The following AMPD3 variants were observed in gnomAD, a reference collection of about 807,000 sequenced individuals.
AMPD3 encodes the protein adenosine monophosphate deaminase 3, also known as AMP deaminase 3.
A neutral mutation model predicts 82.3 loss-of-function variants in AMPD3; 57 were observed. The observed-to-expected ratio is 0.69, with a 90% CI of 0.56 to 0.86. AMPD3 has a LOEUF of 0.86. Ranked by LOEUF, AMPD3 falls within the 40% of genes least tolerant of loss-of-function variation. The probability of loss-of-function intolerance (pLI) is 0.00; values close to 1 mark genes in which losing one functional copy is unlikely to be tolerated. For synonymous variants in AMPD3, 381 were observed against 394.7 expected (o/e 0.97, Z 0.41); for missense variants, 870 against 1,003.8 (o/e 0.87, Z 1.80).
chr11:10,496,467 G>A (rs946173803), intron 9 of AMPD3: 379 of 985,402 alleles, frequency 3.8e-4, no homozygotes, highest in Non-Finnish European at 4.5e-4. Context: ...GTGGTTTAGG[G>A]AAACAGAGCT....
chr11:10,481,609 C>A (rs1485025130), intron 3 of AMPD3: 9 of 647,742 alleles, frequency 1.4e-5, no homozygotes, highest in Non-Finnish European at 1.7e-5. Context: ...TGATTTATTA[C>A]AGTGAAAGGA....
rs533652608 is a variant in AMPD3 at position 10,479,963 on chromosome 11, A to C, written c.426+1233A>C. 2.9e-4 allele frequency: 285 copies of C among 985,362 alleles called. 6 individuals carry two copies. In the South Asian group the frequency reaches 9.4e-3, roughly 32 times the overall value. The allele number at this position is 985,362 out of a possible 1,614,324, so 61.0% of individuals were successfully genotyped here. On this transcript the variant is annotated intron_variant, in intron 3 of 14. Transcript: ENST00000396553. ...ACCATGAGTCTTTGGTGTTCACCCA[A>C]CCTGAGGCAGGTGGGCAGGGCATTG...
At chr11:10,458,137 C>A (rs1011265260) in intron 1 of AMPD3, among the ~76,000 whole-genome samples, 13 of 151,652 alleles carry the variant, frequency 8.6e-5, no homozygotes, top group Admixed American at 7.9e-4. Flanking sequence ...TGGTGAAACT[C>A]CCTTTGGCCT....
chr11:10,504,953 T>C (rs539519172), intron 14 of AMPD3: 47 of 223,470 alleles, frequency 2.1e-4, no homozygotes, highest in African/African-American at 1.1e-3. Context: ...TACCATTTAT[T>C]CCTGCTGATG....
At chr11:10,472,150 G>T (rs549112094) in intron 2 of AMPD3, among the ~76,000 whole-genome samples, 1 of 152,244 alleles carries the variant, frequency 6.6e-6, no homozygotes, top group Admixed American at 6.5e-5. Context: ...GCAGGGACAT[G>T]GATGAAGCTA....
At chr11:10,487,138 C>G (rs1023370346) in intron 5 of AMPD3, 97 bp from the exon 6 acceptor site, 1 of 1,597,570 alleles carries the variant, frequency 6.3e-7, no homozygotes, top group Non-Finnish European at 8.6e-7. Flanking sequence ...CGTCCTGACC[C>G]TTCCAGCCAG....
At chr11:10,499,492 A>T in intron 10 of AMPD3, 1 of 187,122 alleles carries the variant, frequency 5.3e-6, no homozygotes, top group Non-Finnish European at 1.0e-5. Flanking sequence ...CTAGGATTAC[A>T]GGCATGAGCC....
chr11:10,472,424 C>T (rs1372910278), intron 2 of AMPD3, among the ~76,000 whole-genome samples: 1 of 151,512 alleles, frequency 6.6e-6, no homozygotes, highest in African/African-American at 2.4e-5. Context: ...TACATGTACC[C>T]CAGAACTTAA....
At chr11:10,476,071 GT>G (rs941853462) in intron 2 of AMPD3, among the ~76,000 whole-genome samples, 5 of 152,162 alleles carry the variant, frequency 3.3e-5, no homozygotes, top group Admixed American at 2.6e-4. Context: ...AAGCCATCAA[GT>G]TTGTGGCAAT....
Position 10,455,449 on chromosome 11 carries a change from G to A in AMPD3, c.-6+1G>A. 1.2e-6 allele frequency: 1 copy of A among 843,666 alleles called. No homozygotes were observed. The highest frequency in any genetic ancestry group is 1.4e-6 in the Non-Finnish European group (1 of 701,540). The allele number at this position is 843,666 out of a possible 1,614,324, so 52.3% of individuals were successfully genotyped here. A position where few individuals can be genotyped will look rare whatever the true frequency, so the allele number is the denominator to read the frequency against. Reference sequence around the variant, plus strand: ...GCCCACGTGGGAGCAGTGAGCGGCTGTAAGCAGGGGAGGGTTTGGGGTGGG... The same window carrying A: ...GCCCACGTGGGAGCAGTGAGCGGCTATAAGCAGGGGAGGGTTTGGGGTGGG... On this transcript the variant is annotated splice_donor_variant, in intron 1 of 14. Coordinates refer to ENST00000396553, the MANE Select transcript of AMPD3 (RefSeq NM_001025389.2). LOFTEE classifies it low-confidence loss of function (5UTR_SPLICE).
intron 8 of AMPD3, 159 bp from the exon 9 acceptor site, chr11:10,495,411 G>C (rs1236826733): frequency 1.0e-6 from 1 of 983,614 alleles, no homozygotes; most frequent in Non-Finnish European, 1.2e-6. Flanking sequence ...AGTGGAACAA[G>C]AGCTTACAGG....
Position 10,499,937 on chromosome 11 carries a change from C to T in AMPD3, c.1558-149C>T, listed in dbSNP as rs186363417. The T allele has an allele frequency of 4.0e-6, 6 of 1,506,190 alleles. No individual in the cohort carries two copies. The African/African-American group carries it at 8.3e-5, about 21-fold the overall frequency. 93.3% of individuals were successfully genotyped at this position (1,506,190 alleles called of 1,614,324 possible). ...CTTTTCATCCCTGGGAGGAATATGG[C>T]CTCAGGCAGGCCAAGGGGTCCCCAG... is the stretch of plus-strand genomic sequence containing the variant. On this transcript the variant is annotated intron_variant, in intron 10 of 14. Coordinates refer to ENST00000396553, the MANE Select transcript of AMPD3 (RefSeq NM_001025389.2).
At chr11:10,458,407 C>G (rs969963466) in intron 1 of AMPD3, among the ~76,000 whole-genome samples, 1 of 151,932 alleles carries the variant, frequency 6.6e-6, no homozygotes, top group Non-Finnish European at 1.5e-5. Flanking sequence ...AGTCTTAAGT[C>G]TACTCATTTT....
At position 10,505,757 on chromosome 11, in the gene AMPD3, GA is replaced by G. The variant is rs749073244; in HGVS notation, c.2180del (p.Asn727MetfsTer31). On this transcript the variant is annotated frameshift_variant, in exon 15 of 15. Coordinates refer to ENST00000396553, the MANE Select transcript of AMPD3 (RefSeq NM_001025389.2). LOFTEE classifies it high-confidence loss of function. ...GQNYYKEGPE[G>X]NDIRKTNVAQ... Reference sequence around the variant, plus strand: ...AATTATTATAAAGAAGGACCTGAAGGAAATGATATTCGAAAGACAAATGTGG... The same window carrying G: ...AATTATTATAAAGAAGGACCTGAAGGAATGATATTCGAAAGACAAATGTGG... 1.8e-5 allele frequency: 29 copies of G among 1,614,170 alleles called. No individual in the cohort carries two copies. In the East Asian group the frequency reaches 5.3e-4, roughly 30 times the overall value.
chr11:10,498,709 G>A (rs1184448261), intron 10 of AMPD3, among the ~76,000 whole-genome samples: 1 of 152,242 alleles, frequency 6.6e-6, no homozygotes, highest in African/African-American at 2.4e-5. Flanking sequence ...AACAGGAGAG[G>A]CCAGCAGACC....
At position 10,456,189 on chromosome 11, in the gene AMPD3, C is replaced by T; in HGVS notation, c.-6+741C>T. On this transcript the variant is annotated intron_variant, in intron 1 of 14. Transcript: ENST00000396553. This position sits in a 1 kb window ranked among gnomAD's most constrained non-coding sequence, Gnocchi z 4.3. ...AAATTTTCCACTCATATTTCATATT[C>T]ACGAGAGAATTTCCAGCCCAGGCTT... 1 of 1,416,134 alleles carries T rather than the reference C, an allele frequency of 7.1e-7. No homozygotes were observed. Among genetic ancestry groups the T allele is most frequent in the Non-Finnish European group, 9.2e-7 (1 of 1,086,774 alleles). The allele number at this position is 1,416,134 out of a possible 1,614,324, so 87.7% of individuals were successfully genotyped here.
chr11:10,471,804 C>T (rs1312281893), intron 2 of AMPD3, among the ~76,000 whole-genome samples: 2 of 152,176 alleles, frequency 1.3e-5, no homozygotes, highest in East Asian at 3.8e-4. Flanking sequence ...ACAACAGATG[C>T]TGGAGAGGAT....
intron 9 of AMPD3, 78 bp downstream of exon 9, chr11:10,495,811 C>T: frequency 1.3e-6 from 2 of 1,573,102 alleles, no homozygotes; most frequent in Middle Eastern, 1.7e-4. Flanking sequence ...TGAGTCTGCA[C>T]TCCTGAGGGG....
intron 2 of AMPD3, among the ~76,000 whole-genome samples, chr11:10,466,727 C>T (rs997889429): frequency 6.6e-6 from 1 of 152,214 alleles, no homozygotes; most frequent in Admixed American, 6.5e-5. Flanking sequence ...GGGTCCCTAA[C>T]CCCCGTGTAT....
Sources: gnomAD v4.1 joint callset for allele counts (sites outside exome capture counted in the v4.1 genomes callset) on GRCh38, gnomAD v4.1.1 for gene constraint, Gnocchi (gnomAD v3.1) non-coding constraint, MANE v1.5 for transcripts, NCBI Gene and HGNC (gene_info 2026-07-23, HGNC 2026-07-21) for gene names.